SAMD5: variants seen among roughly 807,000 people sequenced by gnomAD.
SAMD5 encodes sterile alpha motif domain-containing protein 5.
A neutral mutation model predicts 11.3 loss-of-function variants in SAMD5; 13 were observed. That is an observed-to-expected ratio of 1.15 (90% confidence interval 0.75 to 1.83). The LOEUF is 1.83. Among genes scored for constraint, SAMD5 ranks in the 40% most tolerant of loss-of-function variants. SAMD5 has a pLI of 0.00. For missense variants in SAMD5, 255 were observed against 239.1 expected, an observed-to-expected ratio of 1.07 and a Z score of -0.44; for synonymous variants, 129 against 111.3, an observed-to-expected ratio of 1.16 and a Z score of -1.00.
the SAMD5 span, among the ~76,000 whole-genome samples, chr6:147,918,933 C>T: frequency 6.6e-6 from 1 of 152,062 alleles, no homozygotes; most frequent in Non-Finnish European, 1.5e-5. Context: ...TCTCAATCTC[C>T]TGACCTCGTG....
At chr6:147,675,422 G>A (rs11966867) in intron 1 of SAMD5, among the ~76,000 whole-genome samples, 2,722 of 152,140 alleles carry the variant, frequency 0.018, 90 homozygotes, top group African/African-American at 0.063. Context: ...ATATACATCC[G>A]TACTATAAAA....
At chr6:147,814,197 C>A in the SAMD5 span, among the ~76,000 whole-genome samples, 1 of 152,142 alleles carries the variant, frequency 6.6e-6, no homozygotes, top group Admixed American at 6.6e-5. Context: ...TCAGATGTAT[C>A]TCTGTTCTTT....
chr6:147,561,847 G>A (rs1004324559), intron 1 of SAMD5, among the ~76,000 whole-genome samples: 6 of 152,132 alleles, frequency 3.9e-5, no homozygotes, highest in South Asian at 2.1e-4. Context: ...GAATGACGGC[G>A]CATTCGGCAC....
At chr6:147,538,073 T>G (rs556896313) in intron 1 of SAMD5, among the ~76,000 whole-genome samples, 1 of 152,314 alleles carries the variant, frequency 6.6e-6, no homozygotes, top group Admixed American at 6.5e-5. Context: ...TTATAAACTT[T>G]TTAGAACCCT....
rs150879618 is a variant in SAMD5 at position 147,708,071 on chromosome 6, C to T, written c.163-29246C>T. ...TGTTATGGGCTGAATTGTGCCAGATCTCCTTTCCCAAATTCATACATTGAA... is the reference window on the plus strand; with the variant it reads ...TGTTATGGGCTGAATTGTGCCAGATTTCCTTTCCCAAATTCATACATTGAA... On this transcript the variant is annotated intron_variant, in intron 1 of 1. Transcript: ENST00000566741. 6.5e-3 allele frequency among the ~76,000 whole-genome samples: 995 copies of T among 152,214 alleles called. 6 individuals carry two copies. Among genetic ancestry groups the T allele is most frequent in the Middle Eastern group, 0.034 (10 of 294 alleles).
the SAMD5 span, among the ~76,000 whole-genome samples, chr6:147,837,933 C>T: frequency 6.6e-6 from 1 of 151,866 alleles, no homozygotes; most frequent in South Asian, 2.1e-4. Flanking sequence ...GATGGAACTC[C>T]CATGCCTCCA....
At chr6:147,593,399 C>T (rs143409043) in intron 1 of SAMD5, among the ~76,000 whole-genome samples, 9 of 151,994 alleles carry the variant, frequency 5.9e-5, no homozygotes, top group Non-Finnish European at 1.0e-4. Flanking sequence ...GGGTGAGAAA[C>T]CTACTTTAGA....
chr6:147,770,316 C>T, the SAMD5 span, among the ~76,000 whole-genome samples: 4 of 152,084 alleles, frequency 2.6e-5, no homozygotes, highest in Admixed American at 2.6e-4. Context: ...AAAAGGATCA[C>T]CTTTCCACGT....
At chr6:147,734,253 A>G (rs917660127) in intron 1 of SAMD5, among the ~76,000 whole-genome samples, 1 of 152,218 alleles carries the variant, frequency 6.6e-6, no homozygotes, top group African/African-American at 2.4e-5. Flanking sequence ...AGGAAGGATC[A>G]TATTTTAAGG....
the SAMD5 span, among the ~76,000 whole-genome samples, chr6:147,778,264 T>A: frequency 6.6e-6 from 1 of 152,160 alleles, no homozygotes; most frequent in Non-Finnish European, 1.5e-5. Flanking sequence ...TCTATTTCTA[T>A]CCCTTTGGTG....
intron 1 of SAMD5, among the ~76,000 whole-genome samples, chr6:147,509,845 TTA>T (rs1788060877): frequency 6.6e-6 from 1 of 152,174 alleles, no homozygotes; most frequent in East Asian, 1.9e-4. Flanking sequence ...GGTGAACTCT[TTA>T]AAGAGTGGAA....
chr6:147,627,338 C>A (rs545464514), intron 1 of SAMD5, among the ~76,000 whole-genome samples: 1 of 152,150 alleles, frequency 6.6e-6, no homozygotes, highest in African/African-American at 2.4e-5. Context: ...TGGTGTGGCA[C>A]CTGAGAGATA....
chr6:147,788,765 T>A, the SAMD5 span, among the ~76,000 whole-genome samples: 34 of 152,302 alleles, frequency 2.2e-4, 1 homozygote, highest in South Asian at 6.8e-3. Flanking sequence ...ACTTCTTTTA[T>A]AAATTTTGAT....
intron 1 of SAMD5, among the ~76,000 whole-genome samples, chr6:147,628,696 C>A (rs1790094696): frequency 6.6e-6 from 1 of 151,956 alleles, no homozygotes; most frequent in Non-Finnish European, 1.5e-5. Flanking sequence ...GATACCCATC[C>A]TCCCCTCCAA....
the SAMD5 span, among the ~76,000 whole-genome samples, chr6:147,913,629 G>A: frequency 6.6e-6 from 1 of 152,124 alleles, no homozygotes; most frequent in Non-Finnish European, 1.5e-5. Flanking sequence ...CCGGGAGGCG[G>A]AGGTTGCAGT....
chr6:147,540,779 G>A (rs527800627), intron 1 of SAMD5, among the ~76,000 whole-genome samples: 1 of 151,892 alleles, frequency 6.6e-6, no homozygotes, highest in Non-Finnish European at 1.5e-5. Context: ...GAGAGAGAGG[G>A]GGGGGGTCCA....
At chr6:147,611,348 G>T (rs1294806175) in intron 1 of SAMD5, among the ~76,000 whole-genome samples, 2 of 152,094 alleles carry the variant, frequency 1.3e-5, no homozygotes, top group African/African-American at 4.8e-5. Flanking sequence ...GAGGCAAGCG[G>T]ATTACCTGAG....
At chr6:147,900,029 A>G in the SAMD5 span, among the ~76,000 whole-genome samples, 1 of 152,202 alleles carries the variant, frequency 6.6e-6, no homozygotes, top group Admixed American at 6.5e-5. Context: ...ATGTGAATCT[A>G]TCTGGTAGTT....
At chr6:147,896,771 C>A in the SAMD5 span, among the ~76,000 whole-genome samples, 5 of 89,696 alleles carry the variant, frequency 5.6e-5, no homozygotes, top group African/African-American at 3.3e-4. Flanking sequence ...AAACGCATCA[C>A]CAGCAAAGTG....
Sources: allele counts gnomAD v4.1 joint callset (sites outside exome capture counted in the v4.1 genomes callset), GRCh38; gene constraint gnomAD v4.1.1; transcripts MANE v1.5; gene names NCBI Gene and HGNC (gene_info 2026-07-23, HGNC 2026-07-21).